CAMTA1: variants seen among roughly 807,000 people sequenced by gnomAD.
The protein encoded by CAMTA1 is calmodulin-binding transcription activator 1.
A neutral mutation model predicts 170.9 loss-of-function variants in CAMTA1; 27 were observed. That is an observed-to-expected ratio of 0.16 (90% CI 0.12 to 0.22). CAMTA1 has a LOEUF of 0.22. Among genes scored for constraint, CAMTA1 ranks in the 10% least tolerant of loss-of-function variants. CAMTA1 has a pLI of 1.00. For synonymous variants in CAMTA1, 833 were observed against 891.5 expected, an observed-to-expected ratio of 0.93 and a Z score of 1.17; for missense variants, 1,619 against 2,217.2, an observed-to-expected ratio of 0.73 and a Z score of 5.42.
intron 4 of CAMTA1, among the ~76,000 whole-genome samples, chr1:7,233,072 C>T (rs963890545): frequency 2.0e-5 from 3 of 151,778 alleles, no homozygotes; most frequent in African/African-American, 7.3e-5. Context: ...AAGCTCCCAC[C>T]AGAATGTGAG....
chr1:7,000,679 C>T lies in CAMTA1; in HGVS notation c.235-90625C>T, dbSNP rs1698092513. Among the ~76,000 whole-genome samples the T allele has an allele frequency of 1.3e-5, 2 of 152,202 alleles. 1 individual carries two copies. The highest frequency in any genetic ancestry group is 1.3e-4 in the Admixed American group (2 of 15,284). ...CTTTGGGTGCTTCTGACTTGTTTAC[C>T]ACATATGTTTCCTTTCAGGTTCATT... On this transcript the variant is annotated intron_variant, in intron 3 of 22. Transcript: ENST00000303635.
chr1:7,359,931 G>T (rs141397492), intron 5 of CAMTA1, among the ~76,000 whole-genome samples: 313 of 152,260 alleles, frequency 2.1e-3, no homozygotes, highest in African/African-American at 6.8e-3. Flanking sequence ...AAGGGTGAAA[G>T]TCTCAGATCA....
At chr1:7,341,642 C>T (rs1187581921) in intron 5 of CAMTA1, among the ~76,000 whole-genome samples, 1 of 152,334 alleles carries the variant, frequency 6.6e-6, no homozygotes, top group Non-Finnish European at 1.5e-5. Context: ...CCAGCCAGCC[C>T]GGGCTTCCCA....
At chr1:7,691,758 G>C (rs142846995) in intron 11 of CAMTA1, among the ~76,000 whole-genome samples, 1 of 152,292 alleles carries the variant, frequency 6.6e-6, no homozygotes, top group Non-Finnish European at 1.5e-5. Flanking sequence ...GAGAGAGAGA[G>C]AGAAAGAGAA....
intron 3 of CAMTA1, among the ~76,000 whole-genome samples, chr1:6,835,892 G>A (rs1311475466): frequency 3.9e-5 from 6 of 152,170 alleles, no homozygotes; most frequent in African/African-American, 1.2e-4. Flanking sequence ...AGTTTGGGTG[G>A]CAGTGGAGAG....
intron 4 of CAMTA1, among the ~76,000 whole-genome samples, chr1:7,215,180 C>T (rs1044458347): frequency 1.7e-4 from 26 of 152,064 alleles, no homozygotes; most frequent in African/African-American, 5.3e-4. Flanking sequence ...AAAAAAGACC[C>T]GAAATTTTGG....
intron 22 of CAMTA1, among the ~76,000 whole-genome samples, chr1:7,758,275 C>T (rs777493487): frequency 1.6e-4 from 25 of 152,144 alleles, no homozygotes; most frequent in Non-Finnish European, 3.1e-4. Context: ...TCAATGCAAA[C>T]CAGAATCCCA....
chr1:7,439,833 T>C (rs921729812), intron 5 of CAMTA1, among the ~76,000 whole-genome samples: 1 of 152,194 alleles, frequency 6.6e-6, no homozygotes, highest in Non-Finnish European at 1.5e-5. Flanking sequence ...AAAGCCTGGG[T>C]ATCTGAGGCT....
intron 6 of CAMTA1, among the ~76,000 whole-genome samples, chr1:7,526,648 A>C (rs1407624078): frequency 6.6e-6 from 1 of 152,204 alleles, no homozygotes; most frequent in Admixed American, 6.5e-5. Flanking sequence ...CATGGCAGAG[A>C]AGGGCATGTT....
At chr1:6,989,269 G>T (rs983548784) in intron 3 of CAMTA1, among the ~76,000 whole-genome samples, 2 of 152,192 alleles carry the variant, frequency 1.3e-5, no homozygotes, top group Non-Finnish European at 2.9e-5. Flanking sequence ...ATCCCAACCT[G>T]TTCCATATTT....
chr1:7,350,309 ATGT>A lies in CAMTA1; in HGVS notation c.438+100688_438+100690del, dbSNP rs1033274262. 3.9e-5 allele frequency among the ~76,000 whole-genome samples: 6 copies of A among 152,168 alleles called. No homozygotes were observed. The East Asian group carries it at 9.7e-4, about 25-fold the overall frequency. On this transcript the variant is annotated intron_variant, in intron 5 of 22. Coordinates refer to ENST00000303635, the MANE Select transcript of CAMTA1 (RefSeq NM_015215.4). ...CCCCAGGAGCAGGAGCCACAGAGAG[ATGT>A]TGTTTTGCAGAGAGTCCTCCTGCCC...
chr1:7,242,603 C>G (rs949375152), intron 4 of CAMTA1, among the ~76,000 whole-genome samples: 2 of 152,086 alleles, frequency 1.3e-5, no homozygotes, highest in Admixed American at 6.5e-5. Context: ...TTCCATGTGC[C>G]TTCTAGGTCC....
intron 5 of CAMTA1, among the ~76,000 whole-genome samples, chr1:7,363,778 G>A (rs556700931): frequency 2.0e-5 from 3 of 152,250 alleles, no homozygotes; most frequent in East Asian, 1.9e-4. Context: ...GTGTGGCAGC[G>A]CTGTGGTTAG....
In CAMTA1 at chr1:7,751,349, C is replaced by T. The variant is rs756292375; in HGVS notation, c.4840C>T (p.Arg1614Trp). Reference protein sequence around the residue: ...YRSYKKCGKRRQARRTAVIVQ... With the variant: ...YRSYKKCGKRWQARRTAVIVQ... The stretch of plus-strand genomic sequence containing the variant: ...AAGTTATAAGAAATGTGGCAAAAGA[C>T]GGCAGGCTCGCCGGACGGCTGTGAT... The change falls in exon 20 of 23, where the codon CGG (arginine) becomes TGG (tryptophan). Residue 1614 changes from arginine to tryptophan, a missense_variant. Around this residue, in one of 8 missense-constraint regions of CAMTA1, gnomAD observed 128 missense variants for 213.5 expected, o/e 0.60. Transcript: ENST00000303635. 15 of 1,610,196 alleles carry T rather than the reference C, an allele frequency of 9.3e-6. No individual in the cohort carries two copies. Among genetic ancestry groups the T allele is most frequent in the Non-Finnish European group, 1.2e-5 (14 of 1,178,916 alleles).
intron 1 of CAMTA1, among the ~76,000 whole-genome samples, chr1:6,786,482 G>C (rs914193239): frequency 1.3e-5 from 2 of 152,124 alleles, no homozygotes; most frequent in Admixed American, 1.3e-4. Context: ...TGGGGCCTCT[G>C]CACACTCTCC....
intron 6 of CAMTA1, among the ~76,000 whole-genome samples, chr1:7,621,712 C>A (rs1352016654): frequency 6.6e-6 from 1 of 152,190 alleles, no homozygotes; most frequent in African/African-American, 2.4e-5. Context: ...GTGCAGTGCT[C>A]GCCCTTCTGG....
chr1:7,218,358 C>G (rs72861831), intron 4 of CAMTA1, among the ~76,000 whole-genome samples: 2 of 152,090 alleles, frequency 1.3e-5, no homozygotes, highest in Admixed American at 1.3e-4. Context: ...TCATAGTCTT[C>G]TACAGATGAA....
chr1:7,264,507 G>A (rs936151729), intron 5 of CAMTA1, among the ~76,000 whole-genome samples: 2 of 152,148 alleles, frequency 1.3e-5, no homozygotes, highest in Non-Finnish European at 2.9e-5. Context: ...GGAAAGCCAC[G>A]TGTGTAGAGC....
At chr1:6,868,092 A>G (rs1480083660) in intron 3 of CAMTA1, among the ~76,000 whole-genome samples, 1 of 152,138 alleles carries the variant, frequency 6.6e-6, no homozygotes, top group Non-Finnish European at 1.5e-5. Context: ...GGCGTGAGCC[A>G]CAGAAGCGTG....
Sources: allele counts gnomAD v4.1 joint callset (sites outside exome capture counted in the v4.1 genomes callset), GRCh38; gene constraint gnomAD v4.1.1; regional missense constraint gnomAD v4.1.1; transcripts MANE v1.5; gene names NCBI Gene and HGNC (gene_info 2026-07-23, HGNC 2026-07-21).